Variants in CNTN4 observed in about 807,000 individuals in gnomAD.
CNTN4 encodes the protein contactin 4.
A neutral mutation model predicts 122.5 loss-of-function variants in CNTN4; 77 were observed. That is an observed-to-expected ratio of 0.63 (90% confidence interval 0.52 to 0.76). CNTN4 has a LOEUF of 0.76. Ranked by LOEUF, CNTN4 falls within the 30% of genes least tolerant of loss-of-function variation. The pLI is 0.00. For synonymous variants in CNTN4, 512 were observed against 447.0 expected (o/e 1.15, Z -1.83); for missense variants, 1,256 against 1,259.1 (o/e 1.00, Z 0.04).
intron 2 of CNTN4, among the ~76,000 whole-genome samples, chr3:2,321,711 A>G (rs1413095120): frequency 6.6e-6 from 1 of 151,938 alleles, no homozygotes; most frequent in East Asian, 1.9e-4. Context: ...AAAACAATTG[A>G]ATTAATACAT....
At chr3:2,191,042 G>T (rs908581446) in intron 2 of CNTN4, among the ~76,000 whole-genome samples, 1 of 151,958 alleles carries the variant, frequency 6.6e-6, no homozygotes, top group African/African-American at 2.4e-5. Flanking sequence ...GACTCTCTCA[G>T]AATCTCCTCT....
At chr3:2,925,477 C>T (rs1329938616) in intron 12 of CNTN4, 152 bp from the exon 13 acceptor site, 15 of 698,606 alleles carry the variant, frequency 2.1e-5, no homozygotes, top group Non-Finnish European at 3.3e-5. Context: ...CACTTGAACC[C>T]GGGAGGCGGA....
chr3:2,520,359 A>G (rs1247672405), intron 3 of CNTN4, among the ~76,000 whole-genome samples: 1 of 139,322 alleles, frequency 7.2e-6, no homozygotes, highest in Non-Finnish European at 1.5e-5. Flanking sequence ...TGCAACATTC[A>G]CCATCTGGGC....
chr3:2,302,825 T>G (rs1310409580), intron 2 of CNTN4, among the ~76,000 whole-genome samples: 1 of 151,974 alleles, frequency 6.6e-6, no homozygotes, highest in Admixed American at 6.6e-5. Context: ...CAATCTTATG[T>G]TTTATTTGTA....
At chr3:2,503,700 T>A (rs1455329571) in intron 3 of CNTN4, among the ~76,000 whole-genome samples, 1 of 152,080 alleles carries the variant, frequency 6.6e-6, no homozygotes, top group Non-Finnish European at 1.5e-5. Flanking sequence ...GATTTTTTTT[T>A]AATAAAGTGG....
chr3:2,764,537 A>G (rs1352115021), intron 6 of CNTN4, among the ~76,000 whole-genome samples: 1 of 152,158 alleles, frequency 6.6e-6, no homozygotes, highest in Non-Finnish European at 1.5e-5. Context: ...GGAGGAAGAA[A>G]AGGGAAGAGA....
chr3:2,655,619 A>C (rs1358442894), intron 4 of CNTN4, among the ~76,000 whole-genome samples: 1 of 152,198 alleles, frequency 6.6e-6, no homozygotes, highest in African/African-American at 2.4e-5. Flanking sequence ...AGAATAAGTC[A>C]TTGAGTCATC....
intron 4 of CNTN4, among the ~76,000 whole-genome samples, chr3:2,635,111 G>T (rs946753541): frequency 2.0e-5 from 3 of 152,018 alleles, no homozygotes; most frequent in African/African-American, 2.4e-5. Flanking sequence ...CGATGTTGCT[G>T]TATTACACTT....
At chr3:2,882,077 A>G (rs1436708497) in intron 8 of CNTN4, among the ~76,000 whole-genome samples, 1 of 152,082 alleles carries the variant, frequency 6.6e-6, no homozygotes, top group African/African-American at 2.4e-5. Context: ...GAAATAATTG[A>G]TAAGGCCAGG....
intron 2 of CNTN4, among the ~76,000 whole-genome samples, chr3:2,124,394 T>C (rs1408303035): frequency 4.0e-5 from 6 of 151,598 alleles, no homozygotes; most frequent in Admixed American, 1.3e-4. Flanking sequence ...TTTGGGGTCA[T>C]GCATTTTTAA....
chr3:2,466,876 G>A (rs771747989), intron 3 of CNTN4, among the ~76,000 whole-genome samples: 11 of 151,834 alleles, frequency 7.2e-5, no homozygotes, highest in Non-Finnish European at 1.5e-4. Context: ...ATTGTAGAAA[G>A]TAGAGAAAGT....
chr3:2,490,150 A>G (rs1161499948), intron 3 of CNTN4, among the ~76,000 whole-genome samples: 1 of 8,636 alleles, frequency 1.2e-4, no homozygotes, highest in Non-Finnish European at 2.0e-4. Flanking sequence ...TACAAAAAGG[A>G]AAAAAGAAAA....
At chr3:3,014,864 C>T (rs903102661) in intron 14 of CNTN4, among the ~76,000 whole-genome samples, 3 of 140,634 alleles carry the variant, frequency 2.1e-5, no homozygotes, top group South Asian at 2.3e-4. Flanking sequence ...TTTATACTTG[C>T]GTGACCCTCG....
At chr3:2,915,032 A>G (rs552756805) in intron 12 of CNTN4, among the ~76,000 whole-genome samples, 17 of 152,240 alleles carry the variant, frequency 1.1e-4, no homozygotes, top group African/African-American at 4.1e-4. Flanking sequence ...TGATCGTTCC[A>G]ATTGATGAAG....
At chr3:2,775,441 T>C (rs1385459026) in intron 6 of CNTN4, among the ~76,000 whole-genome samples, 1 of 152,148 alleles carries the variant, frequency 6.6e-6, no homozygotes, top group African/African-American at 2.4e-5. Flanking sequence ...ATTCTTATTA[T>C]TTTTCTTTGA....
At chr3:2,343,902 C>A (rs896718320) in intron 3 of CNTN4, among the ~76,000 whole-genome samples, 2 of 152,126 alleles carry the variant, frequency 1.3e-5, no homozygotes, top group Non-Finnish European at 2.9e-5. Flanking sequence ...TGGTGACAGC[C>A]TCAGGAAACT....
At chr3:2,575,171 A>G (rs980642828) in intron 4 of CNTN4, among the ~76,000 whole-genome samples, 1 of 152,126 alleles carries the variant, frequency 6.6e-6, no homozygotes, top group Non-Finnish European at 1.5e-5. Flanking sequence ...AAATTATCAT[A>G]TGTATCCCCA....
chr3:2,894,654 C>T (rs1013205116), intron 10 of CNTN4, among the ~76,000 whole-genome samples: 1 of 151,894 alleles, frequency 6.6e-6, no homozygotes, highest in African/African-American at 2.4e-5. Flanking sequence ...ATGGATTCAG[C>T]TGAGTAAGAG....
At chr3:2,151,506 C>G (rs1164453372) in intron 2 of CNTN4, among the ~76,000 whole-genome samples, 1 of 152,052 alleles carries the variant, frequency 6.6e-6, no homozygotes, top group East Asian at 1.9e-4. Context: ...GTTCCAGGTG[C>G]TATCCAAGGT....
Sources: gnomAD v4.1 joint callset for allele counts (sites outside exome capture counted in the v4.1 genomes callset) on GRCh38, gnomAD v4.1.1 for gene constraint, MANE v1.5 for transcripts, NCBI Gene and HGNC (gene_info 2026-07-23, HGNC 2026-07-21) for gene names.